Variants in PCDH11Y observed in about 807,000 individuals in gnomAD.
PCDH11Y encodes protocadherin 11 Y-linked, also known as protocadherin-11 Y-linked.
For synonymous variants in PCDH11Y, 9 were observed against 83.6 expected (o/e 0.11, Z 4.87); for missense variants, 12 against 224.8 (o/e 0.05, Z 6.05).
intron 1 of PCDH11Y, among the ~76,000 whole-genome samples, chrY:5,089,833 T>A: frequency 3.0e-5 from 1 of 33,076 alleles, no homozygotes; most frequent in Non-Finnish European, 7.5e-5. Context: ...AATCTTCTTT[T>A]GGAGAAAAGG....
intron 3 of PCDH11Y, among the ~76,000 whole-genome samples, chrY:5,567,394 T>C: frequency 3.3e-5 from 1 of 29,922 alleles, no homozygotes; most frequent in Non-Finnish European, 7.9e-5. Flanking sequence ...AAATTTAAAA[T>C]AACAGTAATA....
chrY:5,064,378 T>C (rs2052681314), intron 1 of PCDH11Y, among the ~76,000 whole-genome samples: 1 of 27,527 alleles, frequency 3.6e-5, no homozygotes, highest in East Asian at 9.3e-4. Flanking sequence ...TATTTTAAGC[T>C]TCTTCAATAC....
intron 4 of PCDH11Y, among the ~76,000 whole-genome samples, chrY:5,721,336 T>C (rs2053594463): frequency 3.0e-5 from 1 of 33,068 alleles, no homozygotes. Context: ...GATAGCTCCA[T>C]GAGACAAAAA....
chrY:5,295,659 C>T (rs1602900441), intron 2 of PCDH11Y, among the ~76,000 whole-genome samples: 2 of 33,866 alleles, frequency 5.9e-5, no homozygotes, highest in African/African-American at 2.3e-4. Flanking sequence ...GGATTACAGG[C>T]GTGAGCCACT....
chrY:5,196,639 G>A (rs2052918889), intron 2 of PCDH11Y, among the ~76,000 whole-genome samples: 1 of 25,960 alleles, frequency 3.9e-5, no homozygotes, highest in Non-Finnish European at 9.0e-5. Context: ...TCCAGCACCT[G>A]TTGTTTCCTG....
At chrY:5,164,092 C>T in intron 2 of PCDH11Y, among the ~76,000 whole-genome samples, 1 of 33,993 alleles carries the variant, frequency 2.9e-5, no homozygotes, top group African/African-American at 1.1e-4. Context: ...AGGGCCATGG[C>T]TGAGTCATGG....
chrY:5,320,698 T>A, intron 2 of PCDH11Y, among the ~76,000 whole-genome samples: 1 of 33,664 alleles, frequency 3.0e-5, no homozygotes. Context: ...TGAAGGAAAG[T>A]AAGGTTAGAT....
chrY:5,678,595 G>A, intron 4 of PCDH11Y, among the ~76,000 whole-genome samples: 1 of 33,068 alleles, frequency 3.0e-5, no homozygotes, highest in South Asian at 6.6e-4. Context: ...ATAAGCCTAC[G>A]CTGTTTATCC....
rs2053522488 is a variant in PCDH11Y at position 5,640,533 on chromosome Y, C to T, written c.3352+58735C>T. 3.3e-4 allele frequency among the ~76,000 whole-genome samples: 11 copies of T among 33,387 alleles called. No individual in the cohort carries two copies. The South Asian group carries it at 7.4e-3, about 23-fold the overall frequency. 89.6% of individuals were successfully genotyped at this position (33,387 alleles called of 37,273 possible). A position where few individuals can be genotyped will look rare whatever the true frequency, so the allele number is the denominator to read the frequency against. ...AGAATGAAAACAACTTTAATCTGCT[C>T]GTATGTCTCCATTAGAGCTCTTGAC... On this transcript the variant is annotated intron_variant, in intron 4 of 4. Coordinates refer to the PCDH11Y transcript ENST00000400457.
intron 2 of PCDH11Y, among the ~76,000 whole-genome samples, chrY:5,132,784 A>AT: frequency 3.0e-5 from 1 of 33,109 alleles, no homozygotes; most frequent in Non-Finnish European, 7.5e-5. Flanking sequence ...ATCAGATCAC[A>AT]TTTTCCAACA....
chrY:5,510,803 C>T (rs2053364230), intron 3 of PCDH11Y, among the ~76,000 whole-genome samples: 1 of 30,874 alleles, frequency 3.2e-5, no homozygotes, highest in Non-Finnish European at 7.7e-5. Flanking sequence ...GGTGGGGGAA[C>T]GGAATCTCAC....
At chrY:5,455,228 G>A (rs1602928208) in intron 2 of PCDH11Y, among the ~76,000 whole-genome samples, 1 of 33,320 alleles carries the variant, frequency 3.0e-5, no homozygotes, top group Non-Finnish European at 7.4e-5. Flanking sequence ...GTGCAGCCAA[G>A]TTCTTTGCTA....
At chrY:5,036,447 T>C in intron 3 of PCDH11Y, among the ~76,000 whole-genome samples, 2 of 33,286 alleles carry the variant, frequency 6.0e-5, no homozygotes, top group South Asian at 6.5e-4. Context: ...GTATTTTACA[T>C]ATATTAACTC....
chrY:5,273,812 C>T, intron 2 of PCDH11Y, among the ~76,000 whole-genome samples: 1 of 33,657 alleles, frequency 3.0e-5, no homozygotes, highest in Non-Finnish European at 7.4e-5. Flanking sequence ...ATTTTTCCCA[C>T]AAGAGACATT....
At chrY:5,666,914 A>AT (rs2053545162) in intron 4 of PCDH11Y, among the ~76,000 whole-genome samples, 1 of 29,274 alleles carries the variant, frequency 3.4e-5, no homozygotes, top group Non-Finnish European at 8.2e-5. Flanking sequence ...ATAGTTGTAC[A>AT]TTTTTTTCTA....
intron 2 of PCDH11Y, among the ~76,000 whole-genome samples, chrY:5,410,370 CAA>C (rs201317062): frequency 3.3e-4 from 8 of 24,306 alleles, no homozygotes; most frequent in African/African-American, 1.3e-3. Flanking sequence ...AACCCTGTCT[CAA>C]AAAAAAAAAA....
chrY:5,269,866 T>A, intron 2 of PCDH11Y, among the ~76,000 whole-genome samples: 1 of 27,979 alleles, frequency 3.6e-5, no homozygotes, highest in Non-Finnish European at 8.6e-5. Context: ...AAAAACTGAT[T>A]CCAGAATGAA....
At chrY:5,613,752 G>C (rs2053490361) in intron 4 of PCDH11Y, among the ~76,000 whole-genome samples, 1 of 32,902 alleles carries the variant, frequency 3.0e-5, no homozygotes, top group Non-Finnish European at 7.5e-5. Context: ...GAATGAGGCT[G>C]ATATTTGATT....
chrY:5,047,001 C>T lies in PCDH11Y; in HGVS notation c.33-9888C>T, dbSNP rs1602849514. Among the ~76,000 whole-genome samples the T allele has an allele frequency of 3.6e-4, 12 of 33,731 alleles. No homozygotes were observed. In the South Asian group the frequency reaches 6.0e-3, roughly 17 times the overall value. The allele number at this position is 33,731 out of a possible 37,273, so 90.5% of individuals were successfully genotyped here. ...CACGGTGCGCGCACCCATTGACCTG[C>T]GCCCACTGTGTGGCACTCCCTAGTG... On this transcript the variant is annotated intron_variant, in intron 3 of 5. Coordinates refer to the PCDH11Y transcript ENST00000333703.
Sources: gnomAD v4.1 joint callset for allele counts (sites outside exome capture counted in the v4.1 genomes callset) on GRCh38, gnomAD v4.1.1 for gene constraint, MANE v1.5 for transcripts, NCBI Gene and HGNC (gene_info 2026-07-23, HGNC 2026-07-21) for gene names.